The following SNTB2 variants were observed in gnomAD, a reference collection of about 807,000 sequenced individuals.
SNTB2 encodes beta-2-syntrophin.
A neutral mutation model predicts 46.2 loss-of-function variants in SNTB2; 34 were observed. The ratio of observed to expected loss-of-function variants is 0.74; its 90% CI spans 0.56 to 0.98. The LOEUF is 0.98. Among genes scored for constraint, SNTB2 ranks in the 50% least tolerant of loss-of-function variants. The pLI, the probability that SNTB2 is intolerant of heterozygous loss-of-function variation, is 0.00. For synonymous variants in SNTB2, 290 were observed against 312.6 expected (o/e 0.93, Z 0.76); for missense variants, 603 against 731.4 (o/e 0.82, Z 2.02).
chr16:69,256,347 C>A (rs953360059), intron 2 of SNTB2, among the ~76,000 whole-genome samples: 1 of 152,102 alleles, frequency 6.6e-6, no homozygotes. Flanking sequence ...GTAAAATACA[C>A]ATAACATGAA....
chr16:69,189,497 A>G lies in SNTB2; in HGVS notation c.580+1751A>G, dbSNP rs987863103. On this transcript the variant is annotated intron_variant, in intron 1 of 6. Coordinates refer to ENST00000336278, the MANE Select transcript of SNTB2 (RefSeq NM_006750.4). ...TGGCCAGGCGTGGTGGCTCATGCCT[A>G]TAATCCCAGCACTTTGGGAGGCCAA... is the stretch of plus-strand genomic sequence containing the variant. Among the ~76,000 whole-genome samples, 10 of 152,012 alleles carry G rather than the reference A, an allele frequency of 6.6e-5. No homozygotes were observed. The East Asian group carries it at 1.4e-3, about 21-fold the overall frequency.
At chr16:69,217,943 G>C (rs938498623) in intron 1 of SNTB2, among the ~76,000 whole-genome samples, 7 of 152,156 alleles carry the variant, frequency 4.6e-5, no homozygotes, top group African/African-American at 1.7e-4. Flanking sequence ...CTGTAGCTCT[G>C]AAATTCTGTT....
At chr16:69,297,022 A>C (rs2143200962) in intron 5 of SNTB2, among the ~76,000 whole-genome samples, 1 of 151,046 alleles carries the variant, frequency 6.6e-6, no homozygotes, top group Middle Eastern at 3.4e-3. Context: ...AAAAAATCTC[A>C]GGCCAGGTGC....
chr16:69,213,613 C>T (rs1402648177), intron 1 of SNTB2, among the ~76,000 whole-genome samples: 7 of 151,886 alleles, frequency 4.6e-5, no homozygotes, highest in Non-Finnish European at 7.4e-5. Flanking sequence ...GATTCTCCTG[C>T]CTCAGCCTCC....
chr16:69,243,762 G>C (rs1964641568), intron 1 of SNTB2, among the ~76,000 whole-genome samples: 1 of 152,090 alleles, frequency 6.6e-6, no homozygotes, highest in Admixed American at 6.6e-5. Context: ...CACTCCTGCT[G>C]ATTTTTCTAG....
chr16:69,196,409 C>T (rs1964106336), intron 1 of SNTB2, among the ~76,000 whole-genome samples: 1 of 149,702 alleles, frequency 6.7e-6, no homozygotes, highest in Non-Finnish European at 1.5e-5. Flanking sequence ...GGGTTTGGCC[C>T]TGTCACCCAG....
intron 3 of SNTB2, among the ~76,000 whole-genome samples, chr16:69,263,950 G>A (rs1056368654): frequency 6.6e-6 from 1 of 150,798 alleles, no homozygotes; most frequent in Non-Finnish European, 1.5e-5. Context: ...CTCACTGCAA[G>A]CTCCGCCTCC....
At chr16:69,232,471 C>G (rs1964515965) in intron 1 of SNTB2, among the ~76,000 whole-genome samples, 2 of 132,574 alleles carry the variant, frequency 1.5e-5, no homozygotes, top group Non-Finnish European at 1.6e-5. Context: ...TCCCAAAGTG[C>G]TGGGATTACA....
At chr16:69,300,496 C>T (rs544334378) in intron 6 of SNTB2, among the ~76,000 whole-genome samples, 2 of 152,168 alleles carry the variant, frequency 1.3e-5, no homozygotes, top group South Asian at 2.1e-4. Flanking sequence ...ATGATCTGCC[C>T]GCCTCAGCCT....
chr16:69,282,980 T>C (rs1435267247), intron 4 of SNTB2, among the ~76,000 whole-genome samples: 2 of 152,234 alleles, frequency 1.3e-5, no homozygotes, highest in African/African-American at 2.4e-5. Context: ...GGTCTCACTC[T>C]GTTGCCAAAG....
At chr16:69,279,588 C>T (rs1241499386) in intron 4 of SNTB2, among the ~76,000 whole-genome samples, 5 of 131,706 alleles carry the variant, frequency 3.8e-5, no homozygotes, top group African/African-American at 8.9e-5. Flanking sequence ...TGCAGTGGCA[C>T]GATATGGGCT....
In SNTB2 at chr16:69,286,485, ACCAG is replaced by A. The variant is rs370841357; in HGVS notation, c.1345+2244_1345+2247del. On this transcript the variant is annotated intron_variant, in intron 5 of 6. Coordinates refer to ENST00000336278, the MANE Select transcript of SNTB2 (RefSeq NM_006750.4). ...CATTGTTTGAGCCCAGGAGTTTGAG[ACCAG>A]CCTGGGTAAAGTGGTGAAACCTCAT... 1.6e-4 allele frequency among the ~76,000 whole-genome samples: 25 copies of A among 152,190 alleles called. No individual in the cohort carries two copies. In the East Asian group the frequency reaches 4.5e-3, roughly 27 times the overall value.
chr16:69,227,613 T>C (rs1964471535), intron 1 of SNTB2, among the ~76,000 whole-genome samples: 1 of 152,152 alleles, frequency 6.6e-6, no homozygotes, highest in Non-Finnish European at 1.5e-5. Flanking sequence ...GTAGAAGTGA[T>C]GTGTTGTAAT....
At chr16:69,218,518 T>G (rs1400459050) in intron 1 of SNTB2, among the ~76,000 whole-genome samples, 1 of 151,922 alleles carries the variant, frequency 6.6e-6, no homozygotes, top group African/African-American at 2.4e-5. Flanking sequence ...GCCTCCCAGG[T>G]TCACGCCATT....
chr16:69,293,127 C>G (rs993040236), intron 5 of SNTB2, among the ~76,000 whole-genome samples: 1 of 152,140 alleles, frequency 6.6e-6, no homozygotes, highest in African/African-American at 2.4e-5. Context: ...TATTAAATAT[C>G]TTGCATAAAA....
chr16:69,225,916 C>G (rs958110777), intron 1 of SNTB2, among the ~76,000 whole-genome samples: 2 of 151,574 alleles, frequency 1.3e-5, no homozygotes, highest in Non-Finnish European at 2.9e-5. Flanking sequence ...TACAGGCGCC[C>G]GTCTCCACAC....
chr16:69,297,973 C>T lies in SNTB2; in HGVS notation c.1346-1617C>T, dbSNP rs141697468. ...TTTTTAAAATTGTTTAGACATTGCTCTGTCACCCAGGCTAGAGTGCAGTGG... is the reference window on the plus strand; with the variant it reads ...TTTTTAAAATTGTTTAGACATTGCTTTGTCACCCAGGCTAGAGTGCAGTGG... On this transcript the variant is annotated intron_variant, in intron 5 of 6. Coordinates refer to ENST00000336278, the MANE Select transcript of SNTB2 (RefSeq NM_006750.4). 4.6e-3 allele frequency among the ~76,000 whole-genome samples: 700 copies of T among 152,218 alleles called. 5 individuals carry two copies. Among genetic ancestry groups the T allele is most frequent in the South Asian group, 0.017 (84 of 4,822 alleles).
intron 2 of SNTB2, among the ~76,000 whole-genome samples, chr16:69,256,227 C>G (rs751025073): frequency 6.6e-6 from 1 of 152,108 alleles, no homozygotes; most frequent in Non-Finnish European, 1.5e-5. Context: ...ACTTTGTTGC[C>G]TAGGCTGGTC....
At chr16:69,226,825 A>G (rs183443598) in intron 1 of SNTB2, among the ~76,000 whole-genome samples, 5 of 152,322 alleles carry the variant, frequency 3.3e-5, no homozygotes, top group Non-Finnish European at 7.3e-5. Flanking sequence ...GCCATGGTGC[A>G]TGGCCCTAAG....
Sources: allele counts gnomAD v4.1 joint callset (sites outside exome capture counted in the v4.1 genomes callset), GRCh38; gene constraint gnomAD v4.1.1; transcripts MANE v1.5; gene names NCBI Gene and HGNC (gene_info 2026-07-23, HGNC 2026-07-21).